Variants in EPB41L2 observed in about 807,000 individuals in gnomAD.
The protein encoded by EPB41L2 is erythrocyte membrane protein band 4.1 like 2.
In EPB41L2, 43 loss-of-function variants were observed where a neutral mutation model predicts 113.0. The observed-to-expected ratio is 0.38, with a 90% CI of 0.30 to 0.49. The LOEUF (loss-of-function observed/expected upper bound fraction) is 0.49. Among genes scored for constraint, EPB41L2 ranks in the 20% least tolerant of loss-of-function variants. The probability of loss-of-function intolerance (pLI) is 0.95; values close to 1 mark genes in which losing one functional copy is unlikely to be tolerated. For synonymous variants in EPB41L2, 442 were observed against 436.7 expected, an observed-to-expected ratio of 1.01 and a Z score of -0.15; for missense variants, 1,147 against 1,223.4, an observed-to-expected ratio of 0.94 and a Z score of 0.93.
rs1169785439 is a variant in EPB41L2, at chr6:130,926,534, C to G, written c.810+71G>C. The G allele has an allele frequency of 6.3e-6, 7 of 1,116,050 alleles. No individual in the cohort carries two copies. The Admixed American group carries it at 1.6e-4, about 26-fold the overall frequency. The allele number at this position is 1,116,050 out of a possible 1,614,324, so 69.1% of individuals were successfully genotyped here. A position where few individuals can be genotyped will look rare whatever the true frequency, so the allele number is the denominator to read the frequency against. On this transcript the variant is annotated intron_variant, in intron 4 of 19. Transcript: ENST00000337057. ...AGTTATTTTAAAGCTAAATTTTAAA[C>G]TGAGATAAACTGGTTAATAAAAAAA...
intron 3 of EPB41L2, among the ~76,000 whole-genome samples, chr6:130,939,224 T>C (rs1809927009): frequency 6.6e-6 from 1 of 151,842 alleles, no homozygotes; most frequent in Non-Finnish European, 1.5e-5. Flanking sequence ...GAATAACAAA[T>C]GAATTGCACC....
chr6:130,874,268 T>C (rs1455415992), intron 14 of EPB41L2, among the ~76,000 whole-genome samples: 2 of 151,910 alleles, frequency 1.3e-5, no homozygotes, highest in Non-Finnish European at 2.9e-5. Flanking sequence ...TGTATTTTTT[T>C]TTTTTAAAAA....
In EPB41L2 at chr6:131,005,969, G is replaced by A. The variant is rs186737199; in HGVS notation, c.-14-49470C>T. Among the ~76,000 whole-genome samples, 1,019 of 151,538 alleles carry A rather than the reference G, an allele frequency of 6.7e-3. 7 individuals carry two copies. The highest frequency in any genetic ancestry group is 0.017 in the Middle Eastern group (5 of 292). On this transcript the variant is annotated intron_variant, in intron 1 of 19. Coordinates refer to ENST00000337057, the MANE Select transcript of EPB41L2 (RefSeq NM_001431.4). ...CCCTGACAGCAGATAGCCTCAGCCA[G>A]AAAAAAAAGGTGCATCTCTTTCCTC... is the stretch of plus-strand genomic sequence containing the variant.
chr6:130,883,696 G>A (rs1289711252), intron 12 of EPB41L2, among the ~76,000 whole-genome samples: 2 of 152,228 alleles, frequency 1.3e-5, no homozygotes, highest in Admixed American at 1.3e-4. Context: ...TGCCTTGTTA[G>A]CAAAATTTTT....
chr6:131,008,965 CT>C (rs1786275303), intron 1 of EPB41L2, among the ~76,000 whole-genome samples: 1 of 152,090 alleles, frequency 6.6e-6, no homozygotes. Context: ...TGGACTTGGA[CT>C]TTGAAATTAA....
At position 131,013,249 on chromosome 6, in the gene EPB41L2, A is replaced by AT. The variant is rs1554335577; in HGVS notation, c.-15+49905_-15+49906insA. Among the ~76,000 whole-genome samples the AT allele has an allele frequency of 8.4e-3, 1,190 of 142,000 alleles. 13 individuals carry two copies. The highest frequency in any genetic ancestry group is 0.028 in the Middle Eastern group (8 of 282). 93.2% of individuals were successfully genotyped at this position (142,000 alleles called of 152,430 possible). A position where few individuals can be genotyped will look rare whatever the true frequency, so the allele number is the denominator to read the frequency against. On this transcript the variant is annotated intron_variant, in intron 1 of 19. Transcript: ENST00000337057. ...AATCAGTTAACTAAAGAAAAAAAAA[A>AT]ATATATATATATAAGACCCAATCCT...
At chr6:130,994,729 T>G (rs1427251431) in intron 1 of EPB41L2, among the ~76,000 whole-genome samples, 3 of 152,160 alleles carry the variant, frequency 2.0e-5, no homozygotes, top group Non-Finnish European at 4.4e-5. Flanking sequence ...AACATAAATC[T>G]TGGGGCCCCC....
At chr6:131,020,392 T>G (rs1429729173) in intron 1 of EPB41L2, among the ~76,000 whole-genome samples, 1 of 152,182 alleles carries the variant, frequency 6.6e-6, no homozygotes, top group Non-Finnish European at 1.5e-5. Context: ...GCATCTCATA[T>G]CAGTTTCTGC....
At chr6:130,902,021 TG>T (rs1796433705) in intron 6 of EPB41L2, among the ~76,000 whole-genome samples, 1 of 152,260 alleles carries the variant, frequency 6.6e-6, no homozygotes, top group Non-Finnish European at 1.5e-5. Context: ...ATATACCCTG[TG>T]GGTTTCCCCC....
intron 1 of EPB41L2, among the ~76,000 whole-genome samples, chr6:131,018,713 G>A (rs562565908): frequency 1.1e-3 from 160 of 152,226 alleles, no homozygotes; most frequent in African/African-American, 3.8e-3. Context: ...AATGCATTTT[G>A]TATATGGTAT....
chr6:130,989,625 T>A (rs1020463798), intron 1 of EPB41L2, among the ~76,000 whole-genome samples: 1 of 152,248 alleles, frequency 6.6e-6, no homozygotes, highest in African/African-American at 2.4e-5. Flanking sequence ...GTTTTGCTGT[T>A]ATAACGAAAC....
chr6:130,950,366 TAAG>T (rs1157129841), intron 3 of EPB41L2, among the ~76,000 whole-genome samples: 4 of 151,644 alleles, frequency 2.6e-5, no homozygotes, highest in South Asian at 4.2e-4. Flanking sequence ...ACACTAGAAA[TAAG>T]AAATAAAAAT....
At chr6:130,927,697 T>C (rs1404845796) in intron 3 of EPB41L2, among the ~76,000 whole-genome samples, 1 of 152,254 alleles carries the variant, frequency 6.6e-6, no homozygotes, top group East Asian at 1.9e-4. Context: ...GGTATTTTTA[T>C]TATTAAGCCT....
chr6:131,033,559 T>A (rs534075284), intron 1 of EPB41L2, among the ~76,000 whole-genome samples: 1 of 152,276 alleles, frequency 6.6e-6, no homozygotes, highest in African/African-American at 2.4e-5. Flanking sequence ...AATAGATGAA[T>A]GGATAAGTAA....
At chr6:130,984,090 A>G (rs1447242209) in intron 1 of EPB41L2, among the ~76,000 whole-genome samples, 1 of 152,156 alleles carries the variant, frequency 6.6e-6, no homozygotes, top group Non-Finnish European at 1.5e-5. Context: ...CACACATACT[A>G]GCATAGGCCC....
At chr6:130,878,367 G>A in intron 13 of EPB41L2, 117 bp from the exon 14 acceptor site, 2 of 1,213,116 alleles carry the variant, frequency 1.6e-6, no homozygotes, top group African/African-American at 1.6e-5. Context: ...AAAAACCATA[G>A]TAAAGCAAGA....
intron 18 of EPB41L2, among the ~76,000 whole-genome samples, chr6:130,863,200 C>A (rs1248720884): frequency 6.6e-6 from 1 of 152,124 alleles, no homozygotes; most frequent in African/African-American, 2.4e-5. Context: ...GAGAAAACAC[C>A]TGGAAGTAAA....
chr6:131,026,091 G>T (rs1162487575), intron 1 of EPB41L2, among the ~76,000 whole-genome samples: 1 of 152,192 alleles, frequency 6.6e-6, no homozygotes, highest in Non-Finnish European at 1.5e-5. Flanking sequence ...AGGAAAGACA[G>T]AAGGAATTTA....
At chr6:131,018,076 G>C (rs1378397855) in intron 1 of EPB41L2, among the ~76,000 whole-genome samples, 1 of 152,048 alleles carries the variant, frequency 6.6e-6, no homozygotes, top group Non-Finnish European at 1.5e-5. Context: ...CTACCTAAAG[G>C]CCTAGCTAGA....
Sources: allele counts gnomAD v4.1 joint callset (sites outside exome capture counted in the v4.1 genomes callset), GRCh38; gene constraint gnomAD v4.1.1; transcripts MANE v1.5; gene names NCBI Gene and HGNC (gene_info 2026-07-23, HGNC 2026-07-21).